RSPO4: variants seen among roughly 807,000 people sequenced by gnomAD.
RSPO4 encodes the protein R-spondin 4, also known as R-spondin-4.
In RSPO4, 23 loss-of-function variants were observed where a neutral mutation model predicts 24.8. That is an observed-to-expected ratio of 0.93 (90% CI 0.67 to 1.31). RSPO4 has a LOEUF of 1.31. Ranked by LOEUF, RSPO4 falls within the 40% of genes most tolerant of loss-of-function variation. RSPO4 has a pLI of 0.00. For missense variants in RSPO4, 333 were observed against 316.5 expected (o/e 1.05, Z -0.39); for synonymous variants, 141 against 127.4 (o/e 1.11, Z -0.72).
At position 963,959 on chromosome 20, in the gene RSPO4, G is replaced by A. The variant is rs138935370; in HGVS notation, c.571C>T (p.Pro191Ser). The change falls in exon 4 of 5, where the codon CCC (proline) becomes TCC (serine). Residue 191 changes from proline to serine, a missense_variant. Physicochemically the swap from Pro to Ser is moderately conservative, Grantham distance 74. Coordinates refer to ENST00000217260, the MANE Select transcript of RSPO4 (RefSeq NM_001029871.4). ...CCTCCTGGGCAGGGCCTCTGGATGG[G>A]ACATTTCCTTGACTCAGAAAGCACC... ...CQVLSESRKCPIQRPCPGERS... is the reference protein window; with the variant it reads ...CQVLSESRKCSIQRPCPGERS... The A allele has an allele frequency of 5.2e-4, 846 of 1,614,042 alleles. 5 individuals are homozygous for A. In the African/African-American group the frequency reaches 0.01, roughly 19 times the overall value.
intron 3 of RSPO4, 37 bp from the exon 4 acceptor site, chr20:964,157 C>T: frequency 1.3e-6 from 2 of 1,553,204 alleles, no homozygotes; most frequent in Admixed American, 1.8e-5. Flanking sequence ...GACAGACAGA[C>T]AGGGTCAGCC....
intron 1 of RSPO4, among the ~76,000 whole-genome samples, chr20:989,450 A>G (rs1207457596): frequency 2.0e-5 from 3 of 152,362 alleles, no homozygotes; most frequent in African/African-American, 7.2e-5. Flanking sequence ...CTCACCAGGT[A>G]GGAGGATCCT....
At chr20:999,704 C>T (rs995140038) in intron 1 of RSPO4, among the ~76,000 whole-genome samples, 7 of 152,038 alleles carry the variant, frequency 4.6e-5, no homozygotes, top group African/African-American at 1.4e-4. Context: ...CACCAAATTG[C>T]GGCCATATCC....
At chr20:963,841 C>A in intron 4 of RSPO4, 94 bp downstream of exon 4, 1 of 1,302,078 alleles carries the variant, frequency 7.7e-7, no homozygotes, top group South Asian at 1.2e-5. Context: ...TTCAGGCAGT[C>A]TCATAGATAC....
Position 970,393 on chromosome 20 carries a change from T to C in RSPO4, c.80-2255A>G, listed in dbSNP as rs527391594. Among the ~76,000 whole-genome samples, 26 of 152,248 alleles carry C rather than the reference T, an allele frequency of 1.7e-4. No homozygotes were observed. The South Asian group carries it at 5.2e-3, about 30-fold the overall frequency. On this transcript the variant is annotated intron_variant, in intron 1 of 4. Coordinates refer to ENST00000217260, the MANE Select transcript of RSPO4 (RefSeq NM_001029871.4). This position sits in a 1 kb window ranked among gnomAD's most constrained non-coding sequence, Gnocchi z 4.1. ...ATCCTGCTGATAACCCTCTTTCTGT[T>C]GCTTATAACTCAGGAGGCTTACTGA...
Position 1,002,202 on chromosome 20 carries a change from C to CAT in RSPO4, c.-39_-38insAT. On this transcript the variant is annotated 5_prime_UTR_variant, in exon 1 of 5. It adds an upstream start codon to the 5' untranslated region. Coordinates refer to ENST00000217260, the MANE Select transcript of RSPO4 (RefSeq NM_001029871.4). This position sits in a 1 kb window ranked among gnomAD's most constrained non-coding sequence, Gnocchi z 4.6. ...ATCCGGGCTGGCGCTCCCCAGGCGG[C>CAT]CCGACGGCCCAAGGGCCCCACGTCC... The CAT allele has an allele frequency of 6.8e-7, 1 of 1,478,980 alleles. No homozygotes were observed. The highest frequency in any genetic ancestry group is 9.0e-7 in the Non-Finnish European group (1 of 1,109,932). 91.6% of individuals were successfully genotyped at this position (1,478,980 alleles called of 1,614,324 possible).
At chr20:999,107 G>A (rs564610273) in intron 1 of RSPO4, among the ~76,000 whole-genome samples, 58 of 151,466 alleles carry the variant, frequency 3.8e-4, no homozygotes, top group Non-Finnish European at 7.1e-4. Flanking sequence ...CTCCCACTTC[G>A]GCTTCCTAAG....
chr20:974,227 A>T (rs1369682797), intron 1 of RSPO4, among the ~76,000 whole-genome samples: 2 of 152,226 alleles, frequency 1.3e-5, no homozygotes, highest in African/African-American at 4.8e-5. Context: ...AATGTAACAG[A>T]ATTTTGGAAG....
At chr20:989,440 C>T (rs1223516002) in intron 1 of RSPO4, among the ~76,000 whole-genome samples, 2 of 152,240 alleles carry the variant, frequency 1.3e-5, no homozygotes, top group African/African-American at 4.8e-5. Flanking sequence ...ATGGCAAACA[C>T]TCACCAGGTA....
At chr20:992,263 C>CTTTT (rs35286852) in intron 1 of RSPO4, among the ~76,000 whole-genome samples, 38 of 123,460 alleles carry the variant, frequency 3.1e-4, no homozygotes, top group Middle Eastern at 4.4e-3. Context: ...GGTCCACTTT[C>CTTTT]TTTTTTTTTT....
chr20:972,744 G>A (rs1400610742), intron 1 of RSPO4, among the ~76,000 whole-genome samples: 1 of 152,188 alleles, frequency 6.6e-6, no homozygotes, highest in South Asian at 2.1e-4. Context: ...CGGGTTTTCC[G>A]CCATGCAAGG....
intron 1 of RSPO4, among the ~76,000 whole-genome samples, chr20:995,413 A>G (rs928920451): frequency 6.6e-6 from 1 of 152,136 alleles, no homozygotes; most frequent in African/African-American, 2.4e-5. Context: ...CTGGCGGTAG[A>G]GGCATATCCA....
rs374130199 is a variant in RSPO4, at chr20:960,424, G to A, written c.638C>T (p.Pro213Leu). 2.1e-5 allele frequency: 32 copies of A among 1,539,682 alleles called. No homozygotes were observed. The African/African-American group carries it at 4.1e-4, about 20-fold the overall frequency. The change falls in exon 5 of 5, where the codon CCA (proline) becomes CTA (leucine). Residue 213 changes from proline to leucine, a missense_variant. Transcript: ENST00000217260. ...GCGGTCCAGCTTCCTGTCCTTGCGT[G>A]GGCGCCGGTCCTTCCTGCCCTTCTT... The part of the protein sequence containing the change: ...GQKKGRKDRR[P>L]RKDRKLDRRL...
intron 3 of RSPO4, among the ~76,000 whole-genome samples, chr20:964,805 T>C (rs77311350): frequency 0.3 from 26,441 of 88,880 alleles, 5,411 homozygotes; most frequent in African/African-American, 0.64. Context: ...TATACACACA[T>C]ACACACACAC....
intron 1 of RSPO4, among the ~76,000 whole-genome samples, chr20:980,471 A>C (rs2122238050): frequency 6.6e-6 from 1 of 152,154 alleles, no homozygotes; most frequent in Middle Eastern, 3.4e-3. Context: ...CCTCACCCCC[A>C]GTAGAGAGTG....
At chr20:975,707 T>C (rs1017127672) in intron 1 of RSPO4, among the ~76,000 whole-genome samples, 1 of 152,190 alleles carries the variant, frequency 6.6e-6, no homozygotes, top group African/African-American at 2.4e-5. Flanking sequence ...CATCGACCCA[T>C]TCATTCAACA....
intron 1 of RSPO4, among the ~76,000 whole-genome samples, chr20:990,810 AT>A (rs1293144742): frequency 6.6e-6 from 1 of 152,164 alleles, no homozygotes; most frequent in Non-Finnish European, 1.5e-5. Flanking sequence ...TTAGAGGAAA[AT>A]TCACTGCTGT....
At chr20:984,922 C>T (rs1600097651) in intron 1 of RSPO4, among the ~76,000 whole-genome samples, 1 of 115,888 alleles carries the variant, frequency 8.6e-6, no homozygotes, top group Non-Finnish European at 1.7e-5. Flanking sequence ...TCCATCCATC[C>T]CCATCCATCC....
At chr20:991,461 T>C (rs373899767) in intron 1 of RSPO4, among the ~76,000 whole-genome samples, 2 of 152,124 alleles carry the variant, frequency 1.3e-5, no homozygotes, top group African/African-American at 4.8e-5. Flanking sequence ...ATGGGATTGA[T>C]ATCTAGGTAA....
Sources: allele counts gnomAD v4.1 joint callset (sites outside exome capture counted in the v4.1 genomes callset), GRCh38; gene constraint gnomAD v4.1.1; non-coding constraint Gnocchi (gnomAD v3.1); transcripts MANE v1.5; gene names NCBI Gene and HGNC (gene_info 2026-07-23, HGNC 2026-07-21).